Variants in RGS22 observed in about 807,000 individuals in gnomAD.
RGS22 encodes the protein regulator of G-protein signaling 22.
A neutral mutation model predicts 172.9 loss-of-function variants in RGS22; 148 were observed. The observed-to-expected ratio is 0.86, with a 90% confidence interval of 0.75 to 0.98. The LOEUF is 0.98. Ranked by LOEUF, RGS22 falls within the 50% of genes least tolerant of loss-of-function variation. The pLI, the probability that RGS22 is intolerant of heterozygous loss-of-function variation, is 0.00. For synonymous variants in RGS22, 458 were observed against 480.2 expected (o/e 0.95, Z 0.60); for missense variants, 1,347 against 1,440.8 (o/e 0.93, Z 1.05).
At chr8:99,969,810 A>G (rs1335163630) in intron 23 of RGS22, among the ~76,000 whole-genome samples, 1 of 152,234 alleles carries the variant, frequency 6.6e-6, no homozygotes, top group African/African-American at 2.4e-5. Context: ...CCCTGTCAAT[A>G]TTAGACAGAT....
At chr8:100,006,586 G>A (rs1815745021) in intron 15 of RGS22, among the ~76,000 whole-genome samples, 1 of 152,192 alleles carries the variant, frequency 6.6e-6, no homozygotes, top group Admixed American at 6.5e-5. Context: ...TCTGTCTTCA[G>A]AGTTTGTAAT....
chr8:99,973,920 G>A (rs968440970), intron 23 of RGS22, among the ~76,000 whole-genome samples: 16 of 151,698 alleles, frequency 1.1e-4, no homozygotes, highest in Non-Finnish European at 5.9e-5. Context: ...GGGTTGATGG[G>A]TGCAGCAAAC....
At chr8:100,046,732 G>A (rs745655739) in intron 11 of RGS22, among the ~76,000 whole-genome samples, 4 of 151,616 alleles carry the variant, frequency 2.6e-5, no homozygotes, top group African/African-American at 4.9e-5. Flanking sequence ...ATTCACAGAG[G>A]TGACTTCGGC....
chr8:99,961,082 C>A lies in RGS22; in HGVS notation c.*160G>T, dbSNP rs2131055098. Reference sequence around the variant, plus strand: ...CCAAATTTTCTTTATTTATTTCCCACCTGGAAAATCCAGAATCAAACTTTA... The same window carrying A: ...CCAAATTTTCTTTATTTATTTCCCAACTGGAAAATCCAGAATCAAACTTTA... On this transcript the variant is annotated 3_prime_UTR_variant, in exon 28 of 28. Coordinates refer to ENST00000360863, the MANE Select transcript of RGS22 (RefSeq NM_015668.5). 5.2e-6 allele frequency: 2 copies of A among 385,850 alleles called. No homozygotes were observed. Among genetic ancestry groups the A allele is most frequent in the South Asian group, 2.0e-5 (1 of 50,620 alleles). The allele number at this position is 385,850 out of a possible 1,614,324, so 23.9% of individuals were successfully genotyped here.
intron 10 of RGS22, among the ~76,000 whole-genome samples, chr8:100,052,555 C>T (rs771516186): frequency 1.3e-5 from 2 of 152,046 alleles, no homozygotes; most frequent in Non-Finnish European, 2.9e-5. Flanking sequence ...CCTGCCTCGG[C>T]CTCCCAAATG....
Position 99,987,582 on chromosome 8 carries a change from A to T in RGS22, c.3056T>A (p.Ile1019Asn). Reference sequence around the variant, plus strand: ...CAATAATGCTTTGCGAAAAGCAATGATTTTACAAGATGAAGAGATCCACTT... The same window carrying T: ...CAATAATGCTTTGCGAAAAGCAATGTTTTTACAAGATGAAGAGATCCACTT... ...ESKWISSSCK[I>N]IAFRKALLNP... The change falls in exon 21 of 28, where the codon ATC becomes AAC. Residue 1019 changes from isoleucine (I) to asparagine (N), a missense_variant. Transcript: ENST00000360863. The T allele has an allele frequency of 6.2e-7, 1 of 1,609,808 alleles. No individual in the cohort carries two copies. The highest frequency in any genetic ancestry group is 8.5e-7 in the Non-Finnish European group (1 of 1,178,164).
In RGS22 at chr8:100,039,978, T is replaced by G. The variant is rs765903721; in HGVS notation, c.2048A>C (p.Glu683Ala). ...CTTTTCTACCTTGTTCCCTGAATGC[T>G]CGCAGAATTTAGTAAAGAAGAATCC... ...RAGFFFTKFC[E>A]HSGNKLWKNS... The change falls in exon 13 of 28, where the codon GAG (glutamate) becomes GCG (alanine). Residue 683 changes from glutamate (E) to alanine (A), a missense_variant. Glu to Ala is a moderately radical substitution (Grantham distance 107). Transcript: ENST00000360863. 1.9e-6 allele frequency: 3 copies of G among 1,567,448 alleles called. No individual in the cohort carries two copies. Among genetic ancestry groups the G allele is most frequent in the Non-Finnish European group, 2.6e-6 (3 of 1,157,382 alleles).
At chr8:100,019,129 T>G (rs372193720) in intron 14 of RGS22, among the ~76,000 whole-genome samples, 2 of 152,266 alleles carry the variant, frequency 1.3e-5, no homozygotes, top group East Asian at 1.9e-4. Context: ...GTATTCTCAC[T>G]GTGCCAAAGG....
Position 100,047,602 on chromosome 8 carries a change from A to C in RGS22, c.1690-6T>G. ...GATAAGCTGAATTCTTCTTTCTAAA[A>C]GATGGTAACATAAGCAAGATGAAAA... On this transcript the variant is annotated splice_polypyrimidine_tract_variant and splice_region_variant and intron_variant, in intron 10 of 27. Transcript: ENST00000360863. The C allele has an allele frequency of 6.2e-7, 1 of 1,603,816 alleles. No homozygotes were observed. The highest frequency in any genetic ancestry group is 8.5e-7 in the Non-Finnish European group (1 of 1,176,702).
intron 4 of RGS22, among the ~76,000 whole-genome samples, chr8:100,074,742 CTTTTTTGTTTT>C (rs1282136987): frequency 2.6e-5 from 4 of 150,962 alleles, no homozygotes; most frequent in African/African-American, 9.8e-5. Context: ...TGCAGGGTTT[CTTTTTTGTTTT>C]TTTTTTGTTT....
At chr8:100,025,097 C>A (rs566724566) in intron 14 of RGS22, among the ~76,000 whole-genome samples, 97 of 152,228 alleles carry the variant, frequency 6.4e-4, no homozygotes, top group African/African-American at 2.2e-3. Flanking sequence ...AATCTTAAGA[C>A]TCTATGCATA....
chr8:100,026,075 A>G (rs567350262), intron 14 of RGS22, among the ~76,000 whole-genome samples: 1 of 152,374 alleles, frequency 6.6e-6, no homozygotes, highest in African/African-American at 2.4e-5. Context: ...TGTTTAGGCT[A>G]GGAAAAATGT....
intron 21 of RGS22, among the ~76,000 whole-genome samples, chr8:99,983,610 T>C (rs1488259859): frequency 1.3e-5 from 2 of 152,206 alleles, no homozygotes; most frequent in African/African-American, 2.4e-5. Context: ...TTTTGAGAAG[T>C]ATCCGTTCAT....
intron 14 of RGS22, among the ~76,000 whole-genome samples, chr8:100,035,619 A>T (rs910299048): frequency 6.6e-6 from 1 of 152,236 alleles, no homozygotes; most frequent in African/African-American, 2.4e-5. Context: ...TATAAACCCA[A>T]TGGATTTTAA....
chr8:99,997,801 G>C (rs532341453), intron 19 of RGS22, among the ~76,000 whole-genome samples: 21 of 152,194 alleles, frequency 1.4e-4, no homozygotes, highest in African/African-American at 4.3e-4. Flanking sequence ...ACAAGGCAAA[G>C]CAAAGACAAA....
intron 24 of RGS22, among the ~76,000 whole-genome samples, chr8:99,963,951 T>C (rs1037281784): frequency 6.6e-6 from 1 of 152,222 alleles, no homozygotes; most frequent in African/African-American, 2.4e-5. Context: ...GAAATCATTA[T>C]AAGCTACATT....
chr8:100,070,586 G>A (rs1240048085), intron 6 of RGS22, among the ~76,000 whole-genome samples: 1 of 152,090 alleles, frequency 6.6e-6, no homozygotes, highest in African/African-American at 2.4e-5. Flanking sequence ...TGTCATTATA[G>A]CTATGTTATT....
chr8:99,976,444 C>G (rs1042012912), intron 23 of RGS22, among the ~76,000 whole-genome samples: 31 of 152,278 alleles, frequency 2.0e-4, no homozygotes, highest in African/African-American at 7.5e-4. Context: ...TCACTGCAAG[C>G]TCCGCCTCCC....
intron 12 of RGS22, among the ~76,000 whole-genome samples, chr8:100,041,284 T>G (rs1820077755): frequency 6.6e-6 from 1 of 151,914 alleles, no homozygotes; most frequent in South Asian, 2.1e-4. Flanking sequence ...AGGTCAGGAG[T>G]GCGAGACCAG....
Sources: gnomAD v4.1 joint callset for allele counts (sites outside exome capture counted in the v4.1 genomes callset) on GRCh38, gnomAD v4.1.1 for gene constraint, MANE v1.5 for transcripts, NCBI Gene and HGNC (gene_info 2026-07-23, HGNC 2026-07-21) for gene names.